The following MCTP1 variants were observed in gnomAD, a reference collection of about 807,000 sequenced individuals.
MCTP1 encodes the protein multiple C2 and transmembrane domain containing 1.
MCTP1 carries 69 observed loss-of-function variants against 120.6 expected under a neutral mutation model. That is an observed-to-expected ratio of 0.57 (90% CI 0.47 to 0.70). The LOEUF is 0.70. Among genes scored for constraint, MCTP1 ranks in the 30% least tolerant of loss-of-function variants. The pLI is 0.00. For missense variants in MCTP1, 1,203 were observed against 1,248.8 expected, an observed-to-expected ratio of 0.96 and a Z score of 0.55; for synonymous variants, 529 against 493.1, an observed-to-expected ratio of 1.07 and a Z score of -0.96.
chr5:95,117,881 G>C (rs1257402604), intron 1 of MCTP1, among the ~76,000 whole-genome samples: 2 of 152,154 alleles, frequency 1.3e-5, no homozygotes, highest in African/African-American at 4.8e-5. Flanking sequence ...CATGGAGCTG[G>C]AATCCATTAT....
intron 17 of MCTP1, among the ~76,000 whole-genome samples, chr5:94,855,124 A>T (rs1301816105): frequency 1.3e-5 from 2 of 151,914 alleles, no homozygotes; most frequent in Non-Finnish European, 2.9e-5. Context: ...CGCAACTCTG[A>T]TAAGACTTCC....
intron 1 of MCTP1, among the ~76,000 whole-genome samples, chr5:95,221,991 C>T (rs75796051): frequency 0.014 from 2,175 of 152,332 alleles, 58 homozygotes; most frequent in African/African-American, 0.051. Flanking sequence ...ATGTATCTGT[C>T]AGAGTAACCC....
intron 17 of MCTP1, among the ~76,000 whole-genome samples, chr5:94,836,004 AAAAC>A (rs371248259): frequency 0.016 from 2,484 of 151,800 alleles, 28 homozygotes; most frequent in Middle Eastern, 0.034. Context: ...ACTCCATCTC[AAAAC>A]AAACAAACAA....
chr5:95,259,182 G>A (rs1446650460), intron 1 of MCTP1, among the ~76,000 whole-genome samples: 1 of 152,110 alleles, frequency 6.6e-6, no homozygotes, highest in Non-Finnish European at 1.5e-5. Context: ...CACAGGAAAT[G>A]GACTACCTTG....
At chr5:94,883,364 A>T (rs1800541498) in intron 12 of MCTP1, among the ~76,000 whole-genome samples, 1 of 152,176 alleles carries the variant, frequency 6.6e-6, no homozygotes, top group African/African-American at 2.4e-5. Flanking sequence ...CAAATGGAAC[A>T]TTAGCTTATA....
chr5:95,207,744 GA>G (rs1352784719), intron 1 of MCTP1, among the ~76,000 whole-genome samples: 1 of 152,054 alleles, frequency 6.6e-6, no homozygotes. Flanking sequence ...AATATTTACT[GA>G]ATACAAGAAT....
At chr5:95,081,570 G>A (rs905820275) in intron 1 of MCTP1, 1 of 1,507,340 alleles carries the variant, frequency 6.6e-7, no homozygotes, top group African/African-American at 1.4e-5. Flanking sequence ...ACCGGCAAAA[G>A]AGGCTGTTCA....
chr5:95,145,839 C>T (rs562408433), intron 1 of MCTP1, among the ~76,000 whole-genome samples: 3 of 152,082 alleles, frequency 2.0e-5, no homozygotes, highest in South Asian at 4.2e-4. Context: ...GGGATATTTT[C>T]CTGAAGTTTT....
chr5:94,908,666 G>A lies in MCTP1; in HGVS notation c.1652+585C>T, dbSNP rs190339930. Reference sequence around the variant, plus strand: ...TAGGCTTTAAATTAAGAAAACATATGATTCAAGTAGTCACTCAAAATAACC... The same window carrying A: ...TAGGCTTTAAATTAAGAAAACATATAATTCAAGTAGTCACTCAAAATAACC... On this transcript the variant is annotated intron_variant, in intron 10 of 22. Coordinates refer to ENST00000515393, the MANE Select transcript of MCTP1 (RefSeq NM_024717.7). 7.3e-3 allele frequency among the ~76,000 whole-genome samples: 1,111 copies of A among 151,584 alleles called. 12 individuals are homozygous for A. The highest frequency in any genetic ancestry group is 0.024 in the African/African-American group (1,007 of 41,180).
chr5:95,157,168 T>G (rs1371517526), intron 1 of MCTP1, among the ~76,000 whole-genome samples: 2 of 152,220 alleles, frequency 1.3e-5, no homozygotes, highest in African/African-American at 4.8e-5. Flanking sequence ...TCATTTGGGT[T>G]AAAATAGTCT....
intron 18 of MCTP1, among the ~76,000 whole-genome samples, chr5:94,786,098 A>G (rs1777622641): frequency 6.6e-6 from 1 of 152,214 alleles, no homozygotes; most frequent in South Asian, 2.1e-4. Flanking sequence ...CTTGGAGATT[A>G]ATGCCAGCAG....
At chr5:95,181,185 C>G (rs549799309) in intron 1 of MCTP1, among the ~76,000 whole-genome samples, 1 of 152,352 alleles carries the variant, frequency 6.6e-6, no homozygotes, top group South Asian at 2.1e-4. Context: ...CTGATTAAAA[C>G]TGTCTGGCAG....
At chr5:94,855,442 A>T (rs1794542908) in intron 17 of MCTP1, among the ~76,000 whole-genome samples, 1 of 151,840 alleles carries the variant, frequency 6.6e-6, no homozygotes, top group African/African-American at 2.4e-5. Flanking sequence ...GTGTTCAGGT[A>T]TAAAGGTCAA....
intron 19 of MCTP1, among the ~76,000 whole-genome samples, chr5:94,733,120 T>C (rs1298682467): frequency 3.3e-5 from 5 of 152,242 alleles, no homozygotes; most frequent in South Asian, 2.1e-4. Flanking sequence ...TTAAAAATTA[T>C]TTGGAACACA....
chr5:95,071,051 G>A (rs891422254), intron 1 of MCTP1, among the ~76,000 whole-genome samples: 2 of 152,188 alleles, frequency 1.3e-5, no homozygotes, highest in Non-Finnish European at 2.9e-5. Context: ...GGAACAAAGG[G>A]GAAGCGAGAG....
intron 1 of MCTP1, among the ~76,000 whole-genome samples, chr5:95,200,631 T>G (rs1301203472): frequency 6.6e-6 from 1 of 152,188 alleles, no homozygotes; most frequent in Non-Finnish European, 1.5e-5. Context: ...CTCACTTGTA[T>G]GTGGAATCTT....
intron 1 of MCTP1, among the ~76,000 whole-genome samples, chr5:95,261,088 G>C (rs1014897038): frequency 1.7e-4 from 26 of 152,160 alleles, no homozygotes; most frequent in Admixed American, 1.5e-3. Flanking sequence ...TATTCCTCTA[G>C]ATAGTAAGGA....
chr5:95,008,780 A>T (rs960167292), intron 2 of MCTP1, among the ~76,000 whole-genome samples: 7 of 152,118 alleles, frequency 4.6e-5, no homozygotes, highest in African/African-American at 1.7e-4. Flanking sequence ...AGAGACACAC[A>T]GGGTAAGGCC....
chr5:94,871,374 C>A lies in MCTP1; in HGVS notation c.2080G>T (p.Asp694Tyr). The A allele has an allele frequency of 2.5e-6, 4 of 1,612,528 alleles. No individual in the cohort carries two copies. The highest frequency in any genetic ancestry group is 3.4e-6 in the Non-Finnish European group (4 of 1,178,996). ...TCAGCACTTCGATCCCGATCTTCAT[C>A]ATAAACTGTCACTTCAAGAACTGAA... is the stretch of plus-strand genomic sequence containing the variant. Reference protein sequence around the residue: ...IHSVLEVTVYDEDRDRSADFL... With the variant: ...IHSVLEVTVYYEDRDRSADFL... Residue 694 changes from aspartate to tyrosine, a missense_variant, in exon 14 of 23, where the codon GAT becomes TAT. Around this residue, in one of 2 missense-constraint regions of MCTP1, gnomAD observed 740 missense variants for 871.1 expected, o/e 0.85. Coordinates refer to ENST00000515393, the MANE Select transcript of MCTP1 (RefSeq NM_024717.7).
Sources: allele counts gnomAD v4.1 joint callset (sites outside exome capture counted in the v4.1 genomes callset), GRCh38; gene constraint gnomAD v4.1.1; regional missense constraint gnomAD v4.1.1; transcripts MANE v1.5; gene names NCBI Gene and HGNC (gene_info 2026-07-23, HGNC 2026-07-21).